PPFIA2: variants seen among roughly 807,000 people sequenced by gnomAD.
PPFIA2 encodes liprin-alpha-2.
Under a neutral mutation model 175.5 loss-of-function variants are expected in PPFIA2, and 46 were observed. The ratio of observed to expected loss-of-function variants is 0.26; its 90% confidence interval spans 0.21 to 0.34. The LOEUF (loss-of-function observed/expected upper bound fraction) is 0.34. Among genes scored for constraint, PPFIA2 ranks in the 10% least tolerant of loss-of-function variants. PPFIA2 has a pLI of 1.00. For synonymous variants in PPFIA2, 568 were observed against 511.4 expected, an observed-to-expected ratio of 1.11 and a Z score of -1.49; for missense variants, 1,179 against 1,506.1, an observed-to-expected ratio of 0.78 and a Z score of 3.60.
intron 4 of PPFIA2, among the ~76,000 whole-genome samples, chr12:81,583,913 T>G (rs2074798362): frequency 6.6e-6 from 1 of 151,988 alleles, no homozygotes; most frequent in Non-Finnish European, 1.5e-5. Context: ...AATAAAATAC[T>G]TCTTTACTTA....
intron 8 of PPFIA2, among the ~76,000 whole-genome samples, chr12:81,402,619 C>T (rs1056275394): frequency 3.9e-5 from 6 of 151,962 alleles, no homozygotes; most frequent in Non-Finnish European, 5.9e-5. Flanking sequence ...TTTGGGAGGC[C>T]GAGGTGGGCA....
At chr12:81,457,544 G>C (rs2053804131) in intron 5 of PPFIA2, among the ~76,000 whole-genome samples, 1 of 152,110 alleles carries the variant, frequency 6.6e-6, no homozygotes, top group Admixed American at 6.6e-5. Context: ...ATTTTGTAAA[G>C]CAACATAGTG....
intron 4 of PPFIA2, among the ~76,000 whole-genome samples, chr12:81,469,776 T>C (rs1186926267): frequency 2.0e-5 from 3 of 152,140 alleles, no homozygotes; most frequent in Non-Finnish European, 4.4e-5. Context: ...GAAGCCCTAA[T>C]CCCCAACATG....
At chr12:81,439,765 T>A (rs2049817694) in intron 7 of PPFIA2, 1 of 506,484 alleles carries the variant, frequency 2.0e-6, no homozygotes, top group Non-Finnish European at 3.4e-6. Flanking sequence ...CTTTTGATAA[T>A]TTTCCTTTGG....
chr12:81,561,913 T>C (rs1328484566), intron 4 of PPFIA2, among the ~76,000 whole-genome samples: 1 of 152,258 alleles, frequency 6.6e-6, no homozygotes, highest in Non-Finnish European at 1.5e-5. Flanking sequence ...CCTGGAGTAT[T>C]CTTTTGATGA....
At chr12:81,268,704 T>C (rs1276592193) in intron 28 of PPFIA2, among the ~76,000 whole-genome samples, 1 of 152,234 alleles carries the variant, frequency 6.6e-6, no homozygotes, top group Non-Finnish European at 1.5e-5. Flanking sequence ...TAGGTGTCTG[T>C]CTGAAGTTCA....
chr12:81,467,437 C>A (rs1053527289), intron 4 of PPFIA2, among the ~76,000 whole-genome samples: 8 of 152,154 alleles, frequency 5.3e-5, no homozygotes, highest in African/African-American at 1.7e-4. Context: ...GCTTGTAATC[C>A]CAGCACTGTG....
At chr12:81,366,988 T>G in intron 14 of PPFIA2, 120 bp downstream of exon 14, 1 of 1,132,870 alleles carries the variant, frequency 8.8e-7, no homozygotes. Flanking sequence ...AAGTTAAAAT[T>G]GTTTTACAAA....
At chr12:81,300,131 C>T (rs565330539) in intron 22 of PPFIA2, among the ~76,000 whole-genome samples, 6 of 152,060 alleles carry the variant, frequency 3.9e-5, no homozygotes, top group Non-Finnish European at 7.4e-5. Flanking sequence ...TTTCACTGAC[C>T]CTCTTACTGA....
At chr12:81,532,085 A>T (rs2064656125) in intron 4 of PPFIA2, among the ~76,000 whole-genome samples, 1 of 151,836 alleles carries the variant, frequency 6.6e-6, no homozygotes, top group Non-Finnish European at 1.5e-5. Flanking sequence ...TGAATCAAAA[A>T]TTGTCTTTGG....
chr12:81,735,935 T>C (rs1188888001), intron 3 of PPFIA2, among the ~76,000 whole-genome samples: 3 of 151,966 alleles, frequency 2.0e-5, no homozygotes, highest in African/African-American at 7.2e-5. Context: ...ACTTGCTCTA[T>C]ATGTCTATCC....
At chr12:81,551,815 ATC>A (rs1183616224) in intron 4 of PPFIA2, among the ~76,000 whole-genome samples, 2 of 151,902 alleles carry the variant, frequency 1.3e-5, no homozygotes, top group Admixed American at 6.6e-5. Context: ...CTTAATTACA[ATC>A]TCTGTTTTAT....
At chr12:81,467,877 T>TG (rs1368128433) in intron 4 of PPFIA2, among the ~76,000 whole-genome samples, 2 of 152,172 alleles carry the variant, frequency 1.3e-5, no homozygotes, top group African/African-American at 4.8e-5. Context: ...CTGACCCAGG[T>TG]GGGAAGGATG....
chr12:81,545,214 C>T (rs544093893), intron 4 of PPFIA2: 1 of 152,272 alleles, frequency 6.6e-6, no homozygotes, highest in South Asian at 2.1e-4. Context: ...AAGAACACAA[C>T]TGTTTACTAT....
intron 3 of PPFIA2, among the ~76,000 whole-genome samples, chr12:81,706,879 T>G (rs1045090944): frequency 6.6e-6 from 1 of 152,150 alleles, no homozygotes; most frequent in Non-Finnish European, 1.5e-5. Context: ...TATCTACAAC[T>G]ATCTGATCTT....
intron 5 of PPFIA2, among the ~76,000 whole-genome samples, chr12:81,446,862 T>C (rs1475125785): frequency 2.6e-5 from 4 of 152,196 alleles, no homozygotes; most frequent in Admixed American, 2.6e-4. Context: ...ATTAGTATCA[T>C]ATTTTTTGGT....
At chr12:81,581,827 T>G (rs1248978013) in intron 4 of PPFIA2, among the ~76,000 whole-genome samples, 3 of 151,912 alleles carry the variant, frequency 2.0e-5, no homozygotes, top group African/African-American at 7.2e-5. Context: ...TTGTTTAATG[T>G]GCCCATAAGT....
At chr12:81,429,836 T>G (rs2047775657) in intron 7 of PPFIA2, among the ~76,000 whole-genome samples, 2 of 152,094 alleles carry the variant, frequency 1.3e-5, no homozygotes, top group South Asian at 4.1e-4. Context: ...AATACTGGCT[T>G]TTATTTAATT....
chr12:81,527,783 G>C (rs2063912003), intron 4 of PPFIA2, among the ~76,000 whole-genome samples: 1 of 152,038 alleles, frequency 6.6e-6, no homozygotes, highest in African/African-American at 2.4e-5. Context: ...ATGATGTCAT[G>C]AGGGTTTAGT....
Sources: allele counts gnomAD v4.1 joint callset (sites outside exome capture counted in the v4.1 genomes callset), GRCh38; gene constraint gnomAD v4.1.1; transcripts MANE v1.5; gene names NCBI Gene and HGNC (gene_info 2026-07-23, HGNC 2026-07-21).